CDNF: variants seen among roughly 807,000 people sequenced by gnomAD.
CDNF encodes ARMET-like protein 1.
A neutral mutation model predicts 14.8 loss-of-function variants in CDNF; 9 were observed. That is an observed-to-expected ratio of 0.61 (90% confidence interval 0.37 to 1.06). The LOEUF (loss-of-function observed/expected upper bound fraction) is 1.06. Among genes scored for constraint, CDNF ranks in the 50% least tolerant of loss-of-function variants. The pLI is 0.01. For missense variants in CDNF, 228 were observed against 228.4 expected, an observed-to-expected ratio of 1.00 and a Z score of 0.01; for synonymous variants, 86 against 87.2, an observed-to-expected ratio of 0.99 and a Z score of 0.07.
At chr10:14,834,733 T>C (rs1327837412) in intron 1 of CDNF, among the ~76,000 whole-genome samples, 1 of 152,046 alleles carries the variant, frequency 6.6e-6, no homozygotes, top group Non-Finnish European at 1.5e-5. Flanking sequence ...ATATGAGAAG[T>C]GTATCAGATA....
chr10:14,836,669 C>T (rs901649319), intron 1 of CDNF, among the ~76,000 whole-genome samples: 3 of 152,232 alleles, frequency 2.0e-5, no homozygotes, highest in East Asian at 1.9e-4. Flanking sequence ...CTGTGGCTCA[C>T]GCCTGTAATC....
chr10:14,825,419 A>G (rs1051950570), intron 3 of CDNF, 60 bp downstream of exon 3: 3 of 1,532,380 alleles, frequency 2.0e-6, no homozygotes, highest in Middle Eastern at 1.7e-4. Context: ...ACATGGCCCC[A>G]ACTTTAGAGG....
In CDNF at chr10:14,819,959, C is replaced by T; in HGVS notation, c.*21G>A. 6.2e-7 allele frequency: 1 copy of T among 1,606,418 alleles called. No homozygotes were observed. Among genetic ancestry groups the T allele is most frequent in the Non-Finnish European group, 8.5e-7 (1 of 1,176,440 alleles). On this transcript the variant is annotated 3_prime_UTR_variant, in exon 4 of 4. Transcript: ENST00000465530. The stretch of plus-strand genomic sequence containing the variant: ...CACTTTTCTCTCTAATTACAAGTCA[C>T]AAATGTGCTGGCATTGGAGATCAGA...
rs1833911375 is a variant in CDNF at position 14,838,018 on chromosome 10, C to G, written c.-72G>C. Reference sequence around the variant, plus strand: ...CACCAAGCTGCCAAAGCGAGCTGAGCAGAATTCGAGGTTGGAAAGAATCTG... The same window carrying G: ...CACCAAGCTGCCAAAGCGAGCTGAGGAGAATTCGAGGTTGGAAAGAATCTG... On this transcript the variant is annotated 5_prime_UTR_variant, in exon 1 of 4. Transcript: ENST00000465530. 8.5e-7 allele frequency: 1 copy of G among 1,177,706 alleles called. No homozygotes were observed. Among genetic ancestry groups the G allele is most frequent in the African/African-American group, 1.5e-5 (1 of 66,136 alleles). The allele number at this position is 1,177,706 out of a possible 1,614,324, so 73.0% of individuals were successfully genotyped here.
intron 2 of CDNF, 69 bp downstream of exon 2, chr10:14,828,076 C>G: frequency 6.5e-7 from 1 of 1,526,776 alleles, no homozygotes; most frequent in South Asian, 1.1e-5. Context: ...GACTTCACGT[C>G]TAAGAAATGA....
intron 2 of CDNF, among the ~76,000 whole-genome samples, chr10:14,826,397 A>AAGCAGC (rs1204172867): frequency 2.6e-5 from 4 of 151,500 alleles, no homozygotes; most frequent in African/African-American, 7.3e-5. Flanking sequence ...GAAGCAGAAG[A>AAGCAGC]AGCAGCAGCA....
At chr10:14,837,613 T>G in intron 1 of CDNF, among the ~76,000 whole-genome samples, 1 of 152,242 alleles carries the variant, frequency 6.6e-6, no homozygotes, top group East Asian at 1.9e-4. Flanking sequence ...TGCTGAAGTT[T>G]AATATTCACA....
intron 3 of CDNF, 37 bp downstream of exon 3, chr10:14,825,442 T>G: frequency 6.3e-7 from 1 of 1,598,560 alleles, no homozygotes; most frequent in Non-Finnish European, 8.5e-7. Context: ...TGGGAATCCA[T>G]TGGACCTACT....
intron 1 of CDNF, among the ~76,000 whole-genome samples, chr10:14,834,757 A>C (rs1833873054): frequency 6.6e-6 from 1 of 152,204 alleles, no homozygotes; most frequent in African/African-American, 2.4e-5. Context: ...TGGGAAAACA[A>C]AGGAGCGGCA....
At chr10:14,833,989 A>G (rs867693575) in intron 1 of CDNF, among the ~76,000 whole-genome samples, 1 of 152,330 alleles carries the variant, frequency 6.6e-6, no homozygotes. Flanking sequence ...TAATTAGCAA[A>G]TATATCCAGT....
At chr10:14,822,158 C>T (rs528843277) in intron 3 of CDNF, among the ~76,000 whole-genome samples, 1 of 152,314 alleles carries the variant, frequency 6.6e-6, no homozygotes, top group East Asian at 1.9e-4. Flanking sequence ...TCCCACTTCT[C>T]CAATGCTAGG....
intron 3 of CDNF, among the ~76,000 whole-genome samples, chr10:14,823,559 C>T (rs971504531): frequency 2.0e-5 from 3 of 152,128 alleles, no homozygotes; most frequent in Non-Finnish European, 4.4e-5. Flanking sequence ...TGGGGTTTCA[C>T]TCTGCCACTC....
chr10:14,826,445 G>A (rs1281635670), intron 2 of CDNF, among the ~76,000 whole-genome samples: 2 of 145,506 alleles, frequency 1.4e-5, no homozygotes, highest in Admixed American at 7.0e-5. Flanking sequence ...GAAAGAAGCA[G>A]AAGAAGCAGA....
At position 14,836,454 on chromosome 10, in the gene CDNF, C is replaced by A. The variant is rs41309391; in HGVS notation, c.115+1378G>T. ...GGGAGCCCCAGATGAGTCATCAAAT[C>A]AATTGTCTTTGCCTCACAAAGTCTG... On this transcript the variant is annotated intron_variant, in intron 1 of 3. Transcript: ENST00000465530. 3.0e-3 allele frequency among the ~76,000 whole-genome samples: 456 copies of A among 152,336 alleles called. 2 individuals are homozygous for A. The highest frequency in any genetic ancestry group is 5.4e-3 in the Non-Finnish European group (369 of 68,034).
In CDNF at chr10:14,820,297, C is replaced by T. The variant is rs111868303; in HGVS notation, c.386-139G>A. The T allele has an allele frequency of 6.5e-5, 55 of 851,332 alleles. No individual in the cohort carries two copies. In the African/African-American group the frequency reaches 8.2e-4, roughly 13 times the overall value. The allele number at this position is 851,332 out of a possible 1,614,324, so 52.7% of individuals were successfully genotyped here. A position where few individuals can be genotyped will look rare whatever the true frequency, so the allele number is the denominator to read the frequency against. Reference sequence around the variant, plus strand: ...CAAGGCAGGGAAGAATTCCAGTTTCCATGGAAACCAAGACACACCCAAGGA... The same window carrying T: ...CAAGGCAGGGAAGAATTCCAGTTTCTATGGAAACCAAGACACACCCAAGGA... On this transcript the variant is annotated intron_variant, in intron 3 of 3. Transcript: ENST00000465530.
Position 14,837,948 on chromosome 10 carries a change from C to T in CDNF, c.-2G>A, listed in dbSNP as rs149515750. The T allele has an allele frequency of 3.8e-6, 6 of 1,586,660 alleles. No homozygotes were observed. Among genetic ancestry groups the T allele is most frequent in the Non-Finnish European group, 1.7e-6 (2 of 1,167,986 alleles). On this transcript the variant is annotated 5_prime_UTR_variant, in exon 1 of 4. Transcript: ENST00000465530. ...AGCAACTGGGCTCGCGCACCACATG[C>T]TGGGCCAGCAGCTTCAATCGCCTCC...
chr10:14,830,058 G>A (rs1233767342), intron 1 of CDNF, among the ~76,000 whole-genome samples: 1 of 152,180 alleles, frequency 6.6e-6, no homozygotes, highest in African/African-American at 2.4e-5. Flanking sequence ...TTTGAAGCCT[G>A]AGATGAAGGA....
chr10:14,837,121 G>A (rs1467854678), intron 1 of CDNF, among the ~76,000 whole-genome samples: 1 of 152,150 alleles, frequency 6.6e-6, no homozygotes, highest in Non-Finnish European at 1.5e-5. Context: ...AGCGCTACAG[G>A]AGTCCAGAAG....
intron 1 of CDNF, among the ~76,000 whole-genome samples, chr10:14,831,305 C>T (rs1262015566): frequency 2.0e-5 from 3 of 152,062 alleles, no homozygotes; most frequent in Admixed American, 2.0e-4. Flanking sequence ...TCAGTGCTCC[C>T]TTCAACCCCC....
Sources: gnomAD v4.1 joint callset for allele counts (sites outside exome capture counted in the v4.1 genomes callset) on GRCh38, gnomAD v4.1.1 for gene constraint, MANE v1.5 for transcripts, NCBI Gene and HGNC (gene_info 2026-07-23, HGNC 2026-07-21) for gene names.